EYS: variants seen among roughly 807,000 people sequenced by gnomAD.
The protein encoded by EYS is protein eyes shut homolog.
A neutral mutation model predicts 282.1 loss-of-function variants in EYS; 250 were observed. That is an observed-to-expected ratio of 0.89 (90% CI 0.80 to 0.98). EYS has a LOEUF of 0.98. Among genes scored for constraint, EYS ranks in the 50% least tolerant of loss-of-function variants. The pLI is 0.00. For missense variants in EYS, 4,016 were observed against 3,709.0 expected (o/e 1.08, Z -2.15); for synonymous variants, 1,355 against 1,282.9 (o/e 1.06, Z -1.20).
At chr6:65,178,664 T>G (rs7450928) in intron 12 of EYS, among the ~76,000 whole-genome samples, 31,369 of 151,584 alleles carry the variant, frequency 0.21, 4,148 homozygotes, top group East Asian at 0.42. Flanking sequence ...AGACAGAAAG[T>G]TAACAAGGAT....
intron 2 of EYS, among the ~76,000 whole-genome samples, chr6:65,619,899 G>A (rs1224259435): frequency 1.3e-5 from 2 of 151,094 alleles, no homozygotes; most frequent in Non-Finnish European, 3.0e-5. Context: ...TCCCAGGGAT[G>A]AAGCCCACTT....
chr6:65,157,172 A>T (rs919410199), intron 12 of EYS, among the ~76,000 whole-genome samples: 2 of 150,848 alleles, frequency 1.3e-5, no homozygotes, highest in African/African-American at 4.8e-5. Context: ...ATTTTCTATT[A>T]TGGGTTTAAA....
intron 22 of EYS, among the ~76,000 whole-genome samples, chr6:64,735,350 TG>T (rs1368281852): frequency 2.0e-5 from 3 of 152,220 alleles, no homozygotes; most frequent in Admixed American, 1.3e-4. Flanking sequence ...CCAAGAGTGC[TG>T]GGATTACAGG....
At chr6:64,515,248 CAATT>C (rs1777529362) in intron 26 of EYS, among the ~76,000 whole-genome samples, 1 of 151,516 alleles carries the variant, frequency 6.6e-6, no homozygotes, top group African/African-American at 2.4e-5. Context: ...TTATGCTTCT[CAATT>C]GATTAGTAAA....
intron 33 of EYS, among the ~76,000 whole-genome samples, chr6:64,056,952 A>G (rs1554202692): frequency 6.6e-6 from 1 of 152,190 alleles, no homozygotes; most frequent in Non-Finnish European, 1.5e-5. Context: ...TGGAGTTCTG[A>G]TATTACTGGC....
At chr6:64,853,763 T>A (rs1765959494) in intron 19 of EYS, among the ~76,000 whole-genome samples, 1 of 152,064 alleles carries the variant, frequency 6.6e-6, no homozygotes, top group Admixed American at 6.6e-5. Context: ...TGGGATCTAA[T>A]TAAACTAAAG....
intron 35 of EYS, among the ~76,000 whole-genome samples, chr6:63,871,359 C>T (rs188119058): frequency 6.6e-6 from 1 of 152,012 alleles, no homozygotes; most frequent in African/African-American, 2.4e-5. Flanking sequence ...CAGAGTTTTC[C>T]CCGTTATTAA....
rs886061669 is a variant in EYS at position 63,806,340 on chromosome 6, T to G, written c.7261A>C (p.Thr2421Pro). 16 of 1,550,480 alleles carry G rather than the reference T, an allele frequency of 1.0e-5. No individual in the cohort carries two copies. The highest frequency in any genetic ancestry group is 1.4e-5 in the Non-Finnish European group (16 of 1,146,064). Residue 2421 changes from threonine to proline, a missense_variant, in exon 37 of 43, where the codon ACA becomes CCA. Coordinates refer to ENST00000503581, the MANE Select transcript of EYS (RefSeq NM_001142800.2). ...AATGAGGTGTATCCAAAGGCATCTG[T>G]GCCACTGAACCTTGGCTGAGTAATA... ...INITQPRFSG[T>P]DAFGYTSFLA... is the part of the protein sequence containing the mutation.
At chr6:65,628,465 G>T (rs986649463) in intron 2 of EYS, among the ~76,000 whole-genome samples, 5 of 152,148 alleles carry the variant, frequency 3.3e-5, no homozygotes, top group Non-Finnish European at 5.9e-5. Flanking sequence ...AACCCCCTGG[G>T]GTCCCCTTCC....
chr6:65,374,494 C>A (rs963380509), intron 8 of EYS, among the ~76,000 whole-genome samples: 1 of 133,968 alleles, frequency 7.5e-6, no homozygotes, highest in Admixed American at 8.2e-5. Context: ...CACTGAGCTA[C>A]CTGCGGAGTT....
intron 33 of EYS, among the ~76,000 whole-genome samples, chr6:64,039,711 T>C (rs940951289): frequency 2.6e-5 from 4 of 152,154 alleles, no homozygotes; most frequent in Admixed American, 2.6e-4. Flanking sequence ...GAAATGAATG[T>C]GTGGTTGTAG....
At chr6:65,510,103 G>GCTGGCT (rs1409933747) in intron 2 of EYS, among the ~76,000 whole-genome samples, 1 of 149,860 alleles carries the variant, frequency 6.7e-6, no homozygotes, top group Non-Finnish European at 1.5e-5. Context: ...CATGTGCCAT[G>GCTGGCT]CTGGTGCGCT....
chr6:65,406,047 C>A (rs570656345), intron 5 of EYS, among the ~76,000 whole-genome samples: 39 of 152,178 alleles, frequency 2.6e-4, no homozygotes, highest in Admixed American at 1.5e-3. Context: ...AGTGATGTGT[C>A]AGATTTATGT....
chr6:64,609,593 A>C (rs1767043899), intron 24 of EYS, among the ~76,000 whole-genome samples: 1 of 152,244 alleles, frequency 6.6e-6, no homozygotes, highest in South Asian at 2.1e-4. Flanking sequence ...GTAGCTTAAT[A>C]ATATCTTTGT....
At chr6:65,208,596 C>T (rs1766094910) in intron 12 of EYS, among the ~76,000 whole-genome samples, 1 of 151,740 alleles carries the variant, frequency 6.6e-6, no homozygotes, top group Non-Finnish European at 1.5e-5. Flanking sequence ...TGTTATATAT[C>T]TAAACCATGA....
intron 22 of EYS, among the ~76,000 whole-genome samples, chr6:64,666,886 AGT>A (rs1207791304): frequency 4.6e-5 from 7 of 152,078 alleles, no homozygotes; most frequent in South Asian, 2.1e-4. Flanking sequence ...CTCCTTTGAG[AGT>A]GTTTGAAATA....
chr6:64,997,612 C>T lies in EYS; in HGVS notation c.2229G>A (p.Glu743=). 6.4e-7 allele frequency: 1 copy of T among 1,551,234 alleles called. No individual in the cohort carries two copies. Among genetic ancestry groups the T allele is most frequent in the Non-Finnish European group, 8.7e-7 (1 of 1,146,582 alleles). ...GCAGGTCTTTGCAGGTAGAATTGTG[C>T]TCACAGGCATTCAGGATGCAGTCAT... ...DIDDCILNAC[E]HNSTCKDLHL... is the part of the protein sequence containing the mutation. Residue 743 remains glutamate, a synonymous_variant, in exon 14 of 43, where the codon GAG becomes GAA. Coordinates refer to ENST00000503581, the MANE Select transcript of EYS (RefSeq NM_001142800.2).
At chr6:63,816,860 C>G (rs1771191634) in intron 36 of EYS, among the ~76,000 whole-genome samples, 1 of 152,220 alleles carries the variant, frequency 6.6e-6, no homozygotes, top group African/African-American at 2.4e-5. Context: ...GTGCATCCTT[C>G]TTATACTTGC....
At chr6:64,650,833 A>G (rs1024186476) in intron 22 of EYS, among the ~76,000 whole-genome samples, 2 of 152,128 alleles carry the variant, frequency 1.3e-5, no homozygotes, top group Non-Finnish European at 2.9e-5. Context: ...AGGTAAGCAC[A>G]TGTACCCACT....
Sources: gnomAD v4.1 joint callset for allele counts (sites outside exome capture counted in the v4.1 genomes callset) on GRCh38, gnomAD v4.1.1 for gene constraint, MANE v1.5 for transcripts, NCBI Gene and HGNC (gene_info 2026-07-23, HGNC 2026-07-21) for gene names.